MARCHF4: variants seen among roughly 807,000 people sequenced by gnomAD.
MARCHF4 encodes E3 ubiquitin-protein ligase MARCHF4.
A neutral mutation model predicts 43.9 loss-of-function variants in MARCHF4; 14 were observed. That is an observed-to-expected ratio of 0.32 (90% confidence interval 0.21 to 0.50). The LOEUF is 0.50. Among genes scored for constraint, MARCHF4 ranks in the 20% least tolerant of loss-of-function variants. The pLI is 0.98. For synonymous variants in MARCHF4, 226 were observed against 213.3 expected (o/e 1.06, Z -0.52); for missense variants, 468 against 536.7 (o/e 0.87, Z 1.27).
At chr2:216,327,158 T>A (rs966439272) in intron 1 of MARCHF4, among the ~76,000 whole-genome samples, 8 of 152,060 alleles carry the variant, frequency 5.3e-5, no homozygotes, top group Admixed American at 2.0e-4. Context: ...ATTTTTTTTT[T>A]AAATTGAGAT....
At chr2:216,294,358 C>T (rs1200971191) in intron 1 of MARCHF4, among the ~76,000 whole-genome samples, 1 of 152,250 alleles carries the variant, frequency 6.6e-6, no homozygotes, top group Non-Finnish European at 1.5e-5. Context: ...AATTAATTTT[C>T]AGTCACTGTA....
chr2:216,364,165 C>T (rs1692630482), intron 1 of MARCHF4, among the ~76,000 whole-genome samples: 1 of 152,108 alleles, frequency 6.6e-6, no homozygotes, highest in Admixed American at 6.6e-5. Context: ...CCTGTGGACC[C>T]TTTCTTCTGC....
intron 1 of MARCHF4, among the ~76,000 whole-genome samples, chr2:216,336,742 T>TA (rs58031229): frequency 0.04 from 2,222 of 55,368 alleles, 126 homozygotes; most frequent in African/African-American, 0.081. Context: ...CAAATAGATT[T>TA]AAAAAAAAAA....
Position 216,259,259 on chromosome 2 carries a change from C to A in MARCHF4, c.*53G>T, listed in dbSNP as rs529564422. 1.3e-5 allele frequency: 20 copies of A among 1,505,524 alleles called. No individual in the cohort carries two copies. In the Middle Eastern group the frequency reaches 6.0e-4, roughly 45 times the overall value. 93.3% of individuals were successfully genotyped at this position (1,505,524 alleles called of 1,614,324 possible). On this transcript the variant is annotated 3_prime_UTR_variant, in exon 4 of 4. Transcript: ENST00000273067. ...CTGGGGGTGCCACTGCACCTCCCCA[C>A]CCTGCTCCGGGCCCTCAGTGGTGGT... is the stretch of plus-strand genomic sequence containing the variant.
rs146495708 is a variant in MARCHF4, at chr2:216,318,513, C to G, written c.517-34784G>C. ...AGGGATGGAGAGCAATGGAAAGTAC[C>G]AGAGGGGTTCAGGGAAAGCCTTAGG... On this transcript the variant is annotated intron_variant, in intron 1 of 3. Transcript: ENST00000273067. Among the ~76,000 whole-genome samples, 286 of 152,160 alleles carry G rather than the reference C, an allele frequency of 1.9e-3. 2 individuals carry two copies. Among genetic ancestry groups the G allele is most frequent in the African/African-American group, 6.5e-3 (270 of 41,530 alleles).
chr2:216,300,350 G>GTATATATATATATATATATA (rs201683040), intron 1 of MARCHF4, among the ~76,000 whole-genome samples: 2 of 115,802 alleles, frequency 1.7e-5, no homozygotes, highest in African/African-American at 7.1e-5. Flanking sequence ...ATATATATAT[G>GTATATATATATATATATATA]TATATATATA....
rs116913031 is a variant in MARCHF4, at chr2:216,262,827, T to G, written c.866-3148A>C. On this transcript the variant is annotated intron_variant, in intron 3 of 3. Coordinates refer to ENST00000273067, the MANE Select transcript of MARCHF4 (RefSeq NM_020814.3). Reference sequence around the variant, plus strand: ...TTCATAGCTACTATGTCTTTTAAATTAATATAATGCCCTAAAAGAGAATAT... The same window carrying G: ...TTCATAGCTACTATGTCTTTTAAATGAATATAATGCCCTAAAAGAGAATAT... Among the ~76,000 whole-genome samples, 6 of 152,294 alleles carry G rather than the reference T, an allele frequency of 3.9e-5. No homozygotes were observed. The East Asian group carries it at 1.2e-3, about 29-fold the overall frequency.
intron 3 of MARCHF4, among the ~76,000 whole-genome samples, chr2:216,269,948 A>G (rs1229278845): frequency 6.6e-6 from 1 of 152,168 alleles, no homozygotes; most frequent in Non-Finnish European, 1.5e-5. Context: ...CTCTGTCCTC[A>G]GCCACATACT....
In MARCHF4 at chr2:216,370,558, G is replaced by A. The variant is rs1400255317; in HGVS notation, c.-298C>T. The A allele has an allele frequency of 1.9e-5, 6 of 319,032 alleles. No homozygotes were observed. In the East Asian group the frequency reaches 3.2e-4, roughly 17 times the overall value. 19.8% of individuals were successfully genotyped at this position (319,032 alleles called of 1,614,324 possible). A position where few individuals can be genotyped will look rare whatever the true frequency, so the allele number is the denominator to read the frequency against. ...GTCTCCTTTCTGCTTTTGACCTGAG[G>A]ACACTGGTAGGAGCAGAGGGATTGA... On this transcript the variant is annotated 5_prime_UTR_variant, in exon 1 of 4. Transcript: ENST00000273067.
intron 3 of MARCHF4, chr2:216,265,486 G>T (rs192671442): frequency 1.3e-5 from 2 of 152,134 alleles, no homozygotes; most frequent in East Asian, 3.9e-4. Flanking sequence ...TGACACTCTA[G>T]AACAGTGCTT....
chr2:216,349,222 A>G (rs559614969), intron 1 of MARCHF4, among the ~76,000 whole-genome samples: 16 of 152,350 alleles, frequency 1.1e-4, no homozygotes, highest in African/African-American at 3.8e-4. Context: ...ACTAACCACA[A>G]GATGGTTAAA....
chr2:216,350,548 C>A (rs1692391171), intron 1 of MARCHF4, among the ~76,000 whole-genome samples: 2 of 151,994 alleles, frequency 1.3e-5, no homozygotes, highest in Non-Finnish European at 1.5e-5. Context: ...GCCACACCAC[C>A]ACACTGTGCC....
chr2:216,306,352 A>G (rs560020025), intron 1 of MARCHF4, among the ~76,000 whole-genome samples: 1 of 152,302 alleles, frequency 6.6e-6, no homozygotes, highest in South Asian at 2.1e-4. Flanking sequence ...ATAGGCATTA[A>G]CCACTTGATA....
intron 3 of MARCHF4, among the ~76,000 whole-genome samples, chr2:216,263,539 A>AAGAGAGAGAGAGAGAGAGAG (rs1342980579): frequency 8.1e-6 from 1 of 122,740 alleles, no homozygotes; most frequent in African/African-American, 3.0e-5. Context: ...GAGAGAGAGA[A>AAGAGAGAGAGAGAGAGAGAG]AGAGAGAGAG....
rs1285807828 is a variant in MARCHF4, at chr2:216,320,667, C to CT, written c.517-36939dup. On this transcript the variant is annotated intron_variant, in intron 1 of 3. Transcript: ENST00000273067. ...TCTTTCTTTCTTTCTTTCTTTCTTT[C>CT]TTTCTTTCTTTTTTTTTTTTTGAGA... Among the ~76,000 whole-genome samples the CT allele has an allele frequency of 8.2e-5, 7 of 85,680 alleles. No individual in the cohort carries two copies. The East Asian group carries it at 2.4e-3, about 29-fold the overall frequency. 56.2% of individuals were successfully genotyped at this position (85,680 alleles called of 152,430 possible).
chr2:216,290,012 A>G (rs1053493470), intron 1 of MARCHF4, among the ~76,000 whole-genome samples: 5 of 152,154 alleles, frequency 3.3e-5, no homozygotes, highest in Non-Finnish European at 7.3e-5. Flanking sequence ...ATATTTATCT[A>G]CTATGTTCCA....
chr2:216,351,889 A>T (rs978740519), intron 1 of MARCHF4, among the ~76,000 whole-genome samples: 2 of 152,222 alleles, frequency 1.3e-5, no homozygotes, highest in Non-Finnish European at 2.9e-5. Context: ...ATTAATTTTA[A>T]AAGGACAAAA....
At chr2:216,351,604 A>C (rs1692405398) in intron 1 of MARCHF4, 1 of 152,242 alleles carries the variant, frequency 6.6e-6, no homozygotes, top group South Asian at 2.1e-4. Flanking sequence ...TCATGAGCTG[A>C]GGACCCACAG....
intron 2 of MARCHF4, among the ~76,000 whole-genome samples, chr2:216,278,683 A>G (rs1446616432): frequency 1.3e-5 from 2 of 152,182 alleles, no homozygotes; most frequent in African/African-American, 4.8e-5. Flanking sequence ...CCAGTTCACT[A>G]GACGAGAGAA....
Sources: allele counts gnomAD v4.1 joint callset (sites outside exome capture counted in the v4.1 genomes callset), GRCh38; gene constraint gnomAD v4.1.1; transcripts MANE v1.5; gene names NCBI Gene and HGNC (gene_info 2026-07-23, HGNC 2026-07-21).